The following SNAP25 variants were observed in gnomAD, a reference collection of about 807,000 sequenced individuals.
SNAP25 encodes synaptosome associated protein 25.
A neutral mutation model predicts 28.7 loss-of-function variants in SNAP25; 3 were observed. That is an observed-to-expected ratio of 0.10 (90% CI 0.05 to 0.27). The LOEUF is 0.27. Ranked by LOEUF, SNAP25 falls within the 10% of genes least tolerant of loss-of-function variation. The pLI is 1.00. For synonymous variants in SNAP25, 61 were observed against 88.1 expected (o/e 0.69, Z 1.72); for missense variants, 117 against 278.7 (o/e 0.42, Z 4.13).
intron 1 of SNAP25, among the ~76,000 whole-genome samples, chr20:10,234,552 TC>T (rs2122691375): frequency 6.6e-6 from 1 of 152,342 alleles, no homozygotes; most frequent in African/African-American, 2.4e-5. Flanking sequence ...TTCATTATTC[TC>T]CCAGCCCTAT....
chr20:10,285,595 G>A (rs908828159), intron 4 of SNAP25, among the ~76,000 whole-genome samples: 1 of 151,976 alleles, frequency 6.6e-6, no homozygotes, highest in Non-Finnish European at 1.5e-5. Context: ...TTGGAGTCAT[G>A]ACTATTTTTT....
chr20:10,283,184 TTTATTTTAGAAACAC>T (rs1406584497), intron 3 of SNAP25, among the ~76,000 whole-genome samples: 22 of 152,372 alleles, frequency 1.4e-4, no homozygotes, highest in Admixed American at 1.2e-3. Context: ...TCTGAATATA[TTTATTTTAGAAACAC>T]TTATTTTAGA....
intron 1 of SNAP25, among the ~76,000 whole-genome samples, chr20:10,260,801 T>C (rs1448106506): frequency 2.6e-5 from 4 of 152,148 alleles, no homozygotes; most frequent in Admixed American, 1.3e-4. Flanking sequence ...AATTTTTACA[T>C]TTTGAACATT....
intron 1 of SNAP25, among the ~76,000 whole-genome samples, chr20:10,260,280 T>C (rs2063388177): frequency 6.6e-6 from 1 of 152,108 alleles, no homozygotes; most frequent in East Asian, 1.9e-4. Context: ...GATGGATTCT[T>C]CCCTCACCAA....
intron 7 of SNAP25, among the ~76,000 whole-genome samples, chr20:10,300,741 T>G (rs1421946956): frequency 6.6e-6 from 1 of 152,196 alleles, no homozygotes; most frequent in African/African-American, 2.4e-5. Context: ...CTACGCAAAC[T>G]TTAGTGTTGG....
At chr20:10,251,587 C>T (rs917060618) in intron 1 of SNAP25, among the ~76,000 whole-genome samples, 8 of 152,182 alleles carry the variant, frequency 5.3e-5, no homozygotes, top group African/African-American at 1.9e-4. Flanking sequence ...AGATCTGATC[C>T]CTTGGAAAAT....
rs2064180933 is a variant in SNAP25, at chr20:10,299,274, A to C, written c.414A>C (p.Thr138=). 6.2e-7 allele frequency: 1 copy of C among 1,613,894 alleles called. No individual in the cohort carries two copies. The highest frequency in any genetic ancestry group is 8.5e-7 in the Non-Finnish European group (1 of 1,179,924). Residue 138 remains threonine (T), a synonymous_variant, in exon 7 of 8, where the codon ACA becomes ACC. Coordinates refer to ENST00000254976, the MANE Select transcript of SNAP25 (RefSeq NM_130811.4). ...CTTGCTCTTTGGATCCCAGGGTAAC[A>C]AATGATGCCCGAGAAAATGAAATGG... ...AISGGFIRRV[T]NDARENEMDE... is the part of the protein sequence containing the mutation.
intron 1 of SNAP25, among the ~76,000 whole-genome samples, chr20:10,246,088 T>C (rs1453128794): frequency 6.6e-6 from 1 of 152,268 alleles, no homozygotes; most frequent in African/African-American, 2.4e-5. Context: ...ACTCCACTTC[T>C]GTCTAAAGTC....
intron 1 of SNAP25, among the ~76,000 whole-genome samples, chr20:10,229,023 G>T (rs1265011561): frequency 6.6e-6 from 1 of 152,044 alleles, no homozygotes; most frequent in Non-Finnish European, 1.5e-5. Flanking sequence ...ATGACCTCAT[G>T]TTTCTCAGGG....
intron 6 of SNAP25, among the ~76,000 whole-genome samples, chr20:10,299,016 GGAGT>G (rs2064173985): frequency 6.6e-6 from 1 of 152,118 alleles, no homozygotes; most frequent in Non-Finnish European, 1.5e-5. Context: ...CATAATGGAA[GGAGT>G]GAGAAAGTAG....
intron 1 of SNAP25, among the ~76,000 whole-genome samples, chr20:10,255,087 A>G (rs1163426338): frequency 2.6e-5 from 4 of 152,224 alleles, no homozygotes; most frequent in Non-Finnish European, 1.5e-5. Context: ...AGGGCAGCCC[A>G]TAGCCTAGAC....
intron 1 of SNAP25, among the ~76,000 whole-genome samples, chr20:10,254,232 C>A (rs1203254527): frequency 6.6e-6 from 1 of 152,176 alleles, no homozygotes; most frequent in Non-Finnish European, 1.5e-5. Context: ...AGTTTTTGTA[C>A]CTCACAAGTG....
chr20:10,287,927 C>T (rs2063915825), intron 4 of SNAP25, among the ~76,000 whole-genome samples: 1 of 151,614 alleles, frequency 6.6e-6, no homozygotes, highest in Non-Finnish European at 1.5e-5. Context: ...TCAAACACCG[C>T]ATATTCTCAC....
At chr20:10,277,208 A>T (rs2063706282) in intron 2 of SNAP25, among the ~76,000 whole-genome samples, 1 of 152,186 alleles carries the variant, frequency 6.6e-6, no homozygotes, top group Admixed American at 6.5e-5. Context: ...CTAAGGCAAC[A>T]ACTTAATTTG....
chr20:10,260,644 A>G (rs1275757693), intron 1 of SNAP25, among the ~76,000 whole-genome samples: 1 of 151,988 alleles, frequency 6.6e-6, no homozygotes, highest in African/African-American at 2.4e-5. Flanking sequence ...GACAGAATCA[A>G]GGAGCAAATG....
chr20:10,264,390 G>C (rs1159238653), intron 1 of SNAP25, among the ~76,000 whole-genome samples: 1 of 152,206 alleles, frequency 6.6e-6, no homozygotes, highest in African/African-American at 2.4e-5. Flanking sequence ...AAGCTTGAAA[G>C]GAATTGGGCT....
chr20:10,255,864 G>T (rs867061896), intron 1 of SNAP25, among the ~76,000 whole-genome samples: 21 of 152,118 alleles, frequency 1.4e-4, no homozygotes, highest in Non-Finnish European at 2.5e-4. Context: ...TATAAGAATA[G>T]AAATAAATGC....
chr20:10,292,713 C>T (rs952711974), intron 4 of SNAP25, among the ~76,000 whole-genome samples: 2 of 152,186 alleles, frequency 1.3e-5, no homozygotes, highest in Non-Finnish European at 2.9e-5. Context: ...TTGTTTCTTT[C>T]CACCCATACC....
chr20:10,270,111 G>T (rs780530341), intron 1 of SNAP25, among the ~76,000 whole-genome samples: 2 of 151,998 alleles, frequency 1.3e-5, no homozygotes, highest in African/African-American at 4.8e-5. Context: ...AAATTAGCCT[G>T]GCGTGGTGGT....
Sources: allele counts gnomAD v4.1 joint callset (sites outside exome capture counted in the v4.1 genomes callset), GRCh38; gene constraint gnomAD v4.1.1; transcripts MANE v1.5; gene names NCBI Gene and HGNC (gene_info 2026-07-23, HGNC 2026-07-21).